MAGT1: variants seen among roughly 807,000 people sequenced by gnomAD.
MAGT1 encodes dolichyl-diphosphooligosaccharide--protein glycosyltransferase subunit MAGT1.
In MAGT1, 4 loss-of-function variants were observed where a neutral mutation model predicts 28.4. That is an observed-to-expected ratio of 0.14 (90% CI 0.07 to 0.32). MAGT1 has a LOEUF of 0.32. MAGT1 is among the 10% of genes least tolerant of loss of function. The pLI, the probability that MAGT1 is intolerant of heterozygous loss-of-function variation, is 1.00. For synonymous variants in MAGT1, 89 were observed against 89.7 expected (o/e 0.99, Z 0.04); for missense variants, 193 against 264.5 (o/e 0.73, Z 1.88).
intron 1 of MAGT1, among the ~76,000 whole-genome samples, chrX:77,878,739 G>A (rs1330429357): frequency 1.0e-5 from 1 of 99,694 alleles, no homozygotes; most frequent in Non-Finnish European, 2.0e-5. Context: ...GCAGTGAGCC[G>A]AGATCGTGCC....
chrX:77,861,409 C>T (rs1017223407), intron 3 of MAGT1, among the ~76,000 whole-genome samples: 2 of 111,741 alleles, frequency 1.8e-5, no homozygotes, highest in African/African-American at 6.5e-5. Context: ...GAAGTGGTTG[C>T]GAGCATGTGG....
chrX:77,882,002 T>A (rs2077054043), intron 1 of MAGT1, among the ~76,000 whole-genome samples: 2 of 111,725 alleles, frequency 1.8e-5, no homozygotes, highest in Non-Finnish European at 3.8e-5. Flanking sequence ...CATACGCAAA[T>A]CAATAAATGT....
intron 6 of MAGT1, 24 bp downstream of exon 6, chrX:77,855,477 A>G: frequency 8.8e-7 from 1 of 1,130,152 alleles, no homozygotes; most frequent in Non-Finnish European, 1.2e-6. Context: ...TCTACAAAGG[A>G]AAGAAATCCC....
chrX:77,841,559 A>G (rs1235974936), intron 7 of MAGT1, among the ~76,000 whole-genome samples: 1 of 112,244 alleles, frequency 8.9e-6, no homozygotes, highest in Non-Finnish European at 1.9e-5. Context: ...TATTTTAAAC[A>G]AATGTCCCAC....
At chrX:77,862,340 AC>A (rs200981891) in intron 3 of MAGT1, among the ~76,000 whole-genome samples, 1,190 of 111,424 alleles carry the variant, frequency 0.011, 17 homozygotes, top group African/African-American at 0.037. Flanking sequence ...CGTAACAAAA[AC>A]AAAAATAGAC....
At chrX:77,874,238 C>T (rs1245223925) in intron 2 of MAGT1, among the ~76,000 whole-genome samples, 1 of 105,796 alleles carries the variant, frequency 9.5e-6, no homozygotes, top group Non-Finnish European at 1.9e-5. Flanking sequence ...CCATCTCAGC[C>T]TCCCAAAGTG....
chrX:77,861,754 A>G (rs1557216489), intron 3 of MAGT1, among the ~76,000 whole-genome samples: 2 of 112,299 alleles, frequency 1.8e-5, no homozygotes, highest in Non-Finnish European at 3.8e-5. Flanking sequence ...ATGCTATAAC[A>G]TGGATGAACA....
chrX:77,895,351 G>A lies in MAGT1; in HGVS notation c.60C>T (p.Ile20=), dbSNP rs782222692. The A allele has an allele frequency of 2.2e-5, 27 of 1,212,102 alleles. No individual in the cohort carries two copies. The highest frequency in any genetic ancestry group is 3.0e-5 in the Non-Finnish European group (27 of 895,590). Residue 20 remains isoleucine (I), a synonymous_variant, in exon 1 of 10, where the codon ATC becomes ATT. Coordinates refer to ENST00000618282, the MANE Select transcript of MAGT1 (RefSeq NM_001367916.1). The stretch of plus-strand genomic sequence containing the variant: ...CAGAGGCTGAGGGAACGTCGCAAAC[G>A]ATGAGCAGCGCCACCACCATGGTCA... ...VSVTMVVALL[I]VCDVPSASAQ...
At chrX:77,847,530 TG>T (rs782675418) in intron 7 of MAGT1, among the ~76,000 whole-genome samples, 1 of 111,619 alleles carries the variant, frequency 9.0e-6, no homozygotes, top group Non-Finnish European at 1.9e-5. Context: ...TTGCTCACGC[TG>T]GGAGCTGTAG....
intron 1 of MAGT1, among the ~76,000 whole-genome samples, chrX:77,887,138 G>C: frequency 9.0e-6 from 1 of 111,060 alleles, no homozygotes; most frequent in Admixed American, 9.7e-5. Context: ...CTGTTACCCA[G>C]GTTAGAGTTC....
At chrX:77,893,614 G>A (rs2077090248) in intron 1 of MAGT1, among the ~76,000 whole-genome samples, 1 of 112,228 alleles carries the variant, frequency 8.9e-6, no homozygotes, top group Non-Finnish European at 1.9e-5. Flanking sequence ...AGAATAAGTG[G>A]ACTAGGCACA....
rs782567093 is a variant in MAGT1 at position 77,875,415 on chromosome X, T to C, written c.272+13A>G. ...TGAGTTATTTAATTTTAAAGCGTAG[T>C]TGGAGTTCATACTTGCAAACGACAC... On this transcript the variant is annotated intron_variant, in intron 2 of 9. Transcript: ENST00000618282. 2.2e-5 allele frequency: 27 copies of C among 1,203,665 alleles called. No individual in the cohort carries two copies. Among genetic ancestry groups the C allele is most frequent in the South Asian group, 1.9e-4 (11 of 56,762 alleles).
At chrX:77,888,419 A>C (rs1211188386) in intron 1 of MAGT1, among the ~76,000 whole-genome samples, 1 of 111,510 alleles carries the variant, frequency 9.0e-6, no homozygotes, top group Non-Finnish European at 1.9e-5. Flanking sequence ...AAATCACCTC[A>C]CTACTAGAAG....
chrX:77,832,277 T>C (rs1216752390), intron 8 of MAGT1, among the ~76,000 whole-genome samples: 1 of 111,436 alleles, frequency 9.0e-6, no homozygotes, highest in Admixed American at 9.7e-5. Flanking sequence ...TAGGGAAGCA[T>C]GTGTCCAACA....
chrX:77,884,237 T>C (rs1053065381), intron 1 of MAGT1, among the ~76,000 whole-genome samples: 5 of 111,411 alleles, frequency 4.5e-5, no homozygotes, highest in Non-Finnish European at 5.7e-5. Context: ...TACATGAACA[T>C]AGCCTGGAAC....
At chrX:77,846,330 T>C (rs1391095028) in intron 7 of MAGT1, among the ~76,000 whole-genome samples, 3 of 111,588 alleles carry the variant, frequency 2.7e-5, no homozygotes, top group African/African-American at 9.8e-5. Flanking sequence ...AGTTAGCCAT[T>C]CGTCTAACCT....
At chrX:77,838,400 T>C (rs2076925835) in intron 8 of MAGT1, among the ~76,000 whole-genome samples, 1 of 106,179 alleles carries the variant, frequency 9.4e-6, no homozygotes, top group African/African-American at 3.5e-5. Context: ...GAGGCTACAG[T>C]GAGTCATTAT....
At chrX:77,893,499 C>T (rs1376313208) in intron 1 of MAGT1, among the ~76,000 whole-genome samples, 1 of 111,418 alleles carries the variant, frequency 9.0e-6, no homozygotes, top group African/African-American at 3.3e-5. Context: ...AACCTATTTT[C>T]AGCTAGGCTG....
At chrX:77,864,169 A>C (rs1298165776) in intron 3 of MAGT1, among the ~76,000 whole-genome samples, 1 of 105,934 alleles carries the variant, frequency 9.4e-6, no homozygotes, top group Non-Finnish European at 1.9e-5. Context: ...GCATGTTCTC[A>C]TATGTGGGAG....
Sources: gnomAD v4.1 joint callset for allele counts (sites outside exome capture counted in the v4.1 genomes callset) on GRCh38, gnomAD v4.1.1 for gene constraint, MANE v1.5 for transcripts, NCBI Gene and HGNC (gene_info 2026-07-23, HGNC 2026-07-21) for gene names.